The following RTBDN variants were observed in gnomAD, a reference collection of about 807,000 sequenced individuals.
The protein encoded by RTBDN is retbindin.
RTBDN carries 24 observed loss-of-function variants against 21.9 expected under a neutral mutation model. The ratio of observed to expected loss-of-function variants is 1.10; its 90% CI spans 0.79 to 1.54. The LOEUF is 1.54. Ranked by LOEUF, RTBDN falls within the 40% of genes most tolerant of loss-of-function variation. RTBDN has a pLI of 0.00. For synonymous variants in RTBDN, 141 were observed against 125.9 expected (o/e 1.12, Z -0.80); for missense variants, 325 against 315.2 (o/e 1.03, Z -0.23).
At position 12,825,697 on chromosome 19, in the gene RTBDN, A is replaced by T; in HGVS notation, c.*9T>A. 6.4e-7 allele frequency: 1 copy of T among 1,555,470 alleles called. No individual in the cohort carries two copies. The highest frequency in any genetic ancestry group is 8.7e-7 in the Non-Finnish European group (1 of 1,151,180). On this transcript the variant is annotated 3_prime_UTR_variant, in exon 6 of 6. Transcript: ENST00000674343. ...AGGGTCGCTCCCCCAACTCAGGGCC[A>T]CGCGTCCGCTAGGGGCCGCTGCCGC...
rs775715912 is a variant in RTBDN at position 12,828,855 on chromosome 19, G to T, written c.254+14C>A. The T allele has an allele frequency of 6.2e-7, 1 of 1,614,160 alleles. No individual in the cohort carries two copies. The highest frequency in any genetic ancestry group is 1.7e-5 in the Admixed American group (1 of 60,024). Reference sequence around the variant, plus strand: ...CAAAGTACGCGAGAAAACGGTGGAGGGTGCTGTACTCACTCAGGGCTCGGC... The same window carrying T: ...CAAAGTACGCGAGAAAACGGTGGAGTGTGCTGTACTCACTCAGGGCTCGGC... On this transcript the variant is annotated intron_variant, in intron 3 of 5. Transcript: ENST00000674343.
chr19:12,834,976 T>C (rs1159587150), upstream of RTBDN: 6 of 1,559,712 alleles, frequency 3.8e-6, no homozygotes, highest in Non-Finnish European at 4.4e-6. The surrounding 1 kb of genome is among the most constrained non-coding windows in gnomAD (Gnocchi z 4.7). Flanking sequence ...TCCTTGGGGC[T>C]CAGCCCCAGG....
At chr19:12,833,643 C>A (rs942906098) in intron 1 of RTBDN, among the ~76,000 whole-genome samples, 3 of 152,104 alleles carry the variant, frequency 2.0e-5, no homozygotes, top group Non-Finnish European at 4.4e-5. Flanking sequence ...CTGAGAATAT[C>A]TCTCCTCTGG....
intron 4 of RTBDN, among the ~76,000 whole-genome samples, chr19:12,827,656 A>G (rs745512443): frequency 1.3e-5 from 2 of 151,842 alleles, no homozygotes; most frequent in African/African-American, 2.4e-5. Flanking sequence ...TTTTGTTGAG[A>G]CTGGGTCTTG....
chr19:12,829,035 A>G, intron 2 of RTBDN, 82 bp from the exon 3 acceptor site: 1 of 1,576,666 alleles, frequency 6.3e-7, no homozygotes, highest in Non-Finnish European at 8.6e-7. Context: ...TCCCCTGGAC[A>G]GGGGAGACAA....
At chr19:12,831,647 A>G (rs1969577951) in intron 1 of RTBDN, among the ~76,000 whole-genome samples, 1 of 152,216 alleles carries the variant, frequency 6.6e-6, no homozygotes, top group African/African-American at 2.4e-5. Flanking sequence ...CAGAGGTTGC[A>G]GTGAATCAAG....
chr19:12,834,475 C>T lies in RTBDN; in HGVS notation c.-19+14G>A. 1 of 1,530,950 alleles carries T rather than the reference C, an allele frequency of 6.5e-7. No homozygotes were observed. The highest frequency in any genetic ancestry group is 8.8e-7 in the Non-Finnish European group (1 of 1,142,212). 94.8% of individuals were successfully genotyped at this position (1,530,950 alleles called of 1,614,324 possible). A position where few individuals can be genotyped will look rare whatever the true frequency, so the allele number is the denominator to read the frequency against. On this transcript the variant is annotated intron_variant, in intron 1 of 5. Transcript: ENST00000674343. This position sits in a 1 kb window ranked among gnomAD's most constrained non-coding sequence, Gnocchi z 4.7. ...CCCTCCCGAGGCATAGGACGCCCTG[C>T]GTCCCCCACGCACCTGCCTGGCCAT...
chr19:12,833,768 C>T (rs1485288662), intron 1 of RTBDN, among the ~76,000 whole-genome samples: 13 of 138,856 alleles, frequency 9.4e-5, no homozygotes, highest in Non-Finnish European at 1.6e-4. Context: ...TGGCTGAGCC[C>T]GGGCTCGGGC....
chr19:12,834,769 T>A, upstream of RTBDN: 3 of 1,613,424 alleles, frequency 1.9e-6, no homozygotes, highest in Non-Finnish European at 2.5e-6. This position sits in a 1 kb window ranked among gnomAD's most constrained non-coding sequence, Gnocchi z 4.7. Flanking sequence ...CAAACTCAGG[T>A]GTCAGGAGCT....
At chr19:12,833,941 C>A in intron 1 of RTBDN, 1 of 397,180 alleles carries the variant, frequency 2.5e-6, no homozygotes, top group South Asian at 1.3e-4. Flanking sequence ...CCTCCCTCCC[C>A]GGGCCGAAGT....
intron 4 of RTBDN, 133 bp from the exon 5 acceptor site, chr19:12,827,004 G>A: frequency 1.5e-6 from 1 of 659,630 alleles, no homozygotes; most frequent in Non-Finnish European, 2.8e-6. Flanking sequence ...CCACTCCCCT[G>A]CTAACTAACC....
Position 12,830,818 on chromosome 19 carries a change from C to T in RTBDN, c.-18-821G>A. On this transcript the variant is annotated intron_variant, in intron 1 of 5. Coordinates refer to ENST00000674343, the MANE Select transcript of RTBDN (RefSeq NM_001270441.2). The surrounding 1 kb of genome is among the most constrained non-coding windows in gnomAD (Gnocchi z 4.2). ...TTATGTTCAGCTTGTGGCTTAAGCT[C>T]TGTATCTATATATGTGGGGAGTGTG... 1 of 251,666 alleles carries T rather than the reference C, an allele frequency of 4.0e-6. No homozygotes were observed. The highest frequency in any genetic ancestry group is 6.2e-6 in the Non-Finnish European group (1 of 160,162). 15.6% of individuals were successfully genotyped at this position (251,666 alleles called of 1,614,324 possible). A position where few individuals can be genotyped will look rare whatever the true frequency, so the allele number is the denominator to read the frequency against.
intron 2 of RTBDN, among the ~76,000 whole-genome samples, chr19:12,829,544 T>C (rs954408650): frequency 6.6e-6 from 1 of 152,020 alleles, no homozygotes; most frequent in Admixed American, 6.6e-5. Context: ...CTCTGCGAGG[T>C]ATATTTGTTA....
chr19:12,829,540 G>A (rs1311032133), intron 2 of RTBDN, among the ~76,000 whole-genome samples: 3 of 152,162 alleles, frequency 2.0e-5, no homozygotes, highest in South Asian at 2.1e-4. Context: ...ACAGCTCTGC[G>A]AGGTATATTT....
At chr19:12,829,169 G>T in intron 2 of RTBDN, 2 of 744,986 alleles carry the variant, frequency 2.7e-6, no homozygotes, top group African/African-American at 1.8e-5. Flanking sequence ...GTGCCTGGTA[G>T]TGACACATAT....
chr19:12,826,537 T>C, intron 5 of RTBDN: 1 of 760,962 alleles, frequency 1.3e-6, no homozygotes, highest in Non-Finnish European at 1.9e-6. Flanking sequence ...CTACTAAAAA[T>C]ACAAAAATTA....
rs775492125 is a variant in RTBDN, at chr19:12,830,443, C to T, written c.-18-446G>A. The T allele has an allele frequency of 8.4e-5, 83 of 988,482 alleles. No individual in the cohort carries two copies. The highest frequency in any genetic ancestry group is 1.1e-4 in the East Asian group (1 of 8,888). The allele number at this position is 988,482 out of a possible 1,614,324, so 61.2% of individuals were successfully genotyped here. ...GGCCCTTCTCTGGGTCACCTTCTCT[C>T]GGCCCACAATCGGCTTAGGGGCCAC... On this transcript the variant is annotated intron_variant, in intron 1 of 5. Coordinates refer to ENST00000674343, the MANE Select transcript of RTBDN (RefSeq NM_001270441.2). The surrounding 1 kb of genome is among the most constrained non-coding windows in gnomAD (Gnocchi z 4.2).
intron 1 of RTBDN, among the ~76,000 whole-genome samples, chr19:12,832,343 G>A (rs950004072): frequency 2.0e-5 from 3 of 152,222 alleles, no homozygotes; most frequent in African/African-American, 4.8e-5. Context: ...AGTAGATACC[G>A]TCTCTGGGTC....
intron 4 of RTBDN, among the ~76,000 whole-genome samples, chr19:12,828,136 G>A (rs962978146): frequency 8.0e-5 from 12 of 149,308 alleles, no homozygotes; most frequent in Non-Finnish European, 1.5e-4. Flanking sequence ...GGTGGCTCAC[G>A]CCTGTAATCC....
Sources: allele counts gnomAD v4.1 joint callset (sites outside exome capture counted in the v4.1 genomes callset), GRCh38; gene constraint gnomAD v4.1.1; non-coding constraint Gnocchi (gnomAD v3.1); transcripts MANE v1.5; gene names NCBI Gene and HGNC (gene_info 2026-07-23, HGNC 2026-07-21).